ADK: variants seen among roughly 807,000 people sequenced by gnomAD.
ADK encodes N6,N6-dimethyladenosine kinase.
In ADK, 24 loss-of-function variants were observed where a neutral mutation model predicts 44.7. That is an observed-to-expected ratio of 0.54 (90% confidence interval 0.39 to 0.76). The LOEUF (loss-of-function observed/expected upper bound fraction) is 0.76, where lower values mean the gene tolerates loss of function less well. ADK is among the 30% of genes least tolerant of loss of function. ADK has a pLI of 0.00. For missense variants in ADK, 321 were observed against 425.1 expected, an observed-to-expected ratio of 0.76 and a Z score of 2.15; for synonymous variants, 128 against 142.6, an observed-to-expected ratio of 0.90 and a Z score of 0.73.
At position 74,301,052 on chromosome 10, in the gene ADK, A is replaced by G. The variant is rs185381426; in HGVS notation, c.195-13615A>G. Among the ~76,000 whole-genome samples the G allele has an allele frequency of 1.1e-4, 16 of 152,364 alleles. No individual in the cohort carries two copies. In the East Asian group the frequency reaches 1.9e-3, roughly 18 times the overall value. On this transcript the variant is annotated intron_variant, in intron 3 of 10. Transcript: ENST00000539909. ...CAAGAAAAAGCTCTGATAGAATTCT[A>G]TAAATGCTTTCTAAGTGATAAATAT...
intron 6 of ADK, among the ~76,000 whole-genome samples, chr10:74,460,069 A>G (rs530840243): frequency 6.6e-6 from 1 of 152,236 alleles, no homozygotes; most frequent in African/African-American, 2.4e-5. Context: ...TGGGTTTGGA[A>G]GCTTGTTTCT....
At chr10:74,698,563 G>GT (rs1856288801) in intron 10 of ADK, among the ~76,000 whole-genome samples, 1 of 152,066 alleles carries the variant, frequency 6.6e-6, no homozygotes, top group African/African-American at 2.4e-5. Context: ...GTTTTGTTTT[G>GT]TTTTGTTTGA....
chr10:74,416,017 C>T (rs1844357029), intron 6 of ADK, among the ~76,000 whole-genome samples: 1 of 126,636 alleles, frequency 7.9e-6, no homozygotes, highest in Admixed American at 9.0e-5. Context: ...TTTATATATA[C>T]ACACACATAC....
intron 3 of ADK, among the ~76,000 whole-genome samples, chr10:74,264,669 T>G (rs1396987601): frequency 6.6e-6 from 1 of 152,194 alleles, no homozygotes; most frequent in East Asian, 1.9e-4. Flanking sequence ...ATGCTTTATC[T>G]TCTTATGCCT....
intron 7 of ADK, among the ~76,000 whole-genome samples, chr10:74,580,329 AT>A (rs2133892137): frequency 6.6e-6 from 1 of 152,182 alleles, no homozygotes; most frequent in Non-Finnish European, 1.5e-5. Flanking sequence ...TAATCCCAGC[AT>A]TTTGGGAGTC....
chr10:74,282,159 A>C (rs1018099446), intron 3 of ADK, among the ~76,000 whole-genome samples: 1 of 152,244 alleles, frequency 6.6e-6, no homozygotes, highest in Non-Finnish European at 1.5e-5. Flanking sequence ...CCTTAAAAGC[A>C]AGTGGCATTT....
At chr10:74,678,535 A>G (rs1255188388) in intron 10 of ADK, among the ~76,000 whole-genome samples, 1 of 152,208 alleles carries the variant, frequency 6.6e-6, no homozygotes. Context: ...AGCAATTGTA[A>G]ATAGATAATG....
chr10:74,259,111 A>T (rs1845941902), intron 3 of ADK, among the ~76,000 whole-genome samples: 1 of 150,870 alleles, frequency 6.6e-6, no homozygotes, highest in Non-Finnish European at 1.5e-5. Context: ...GGCCTAGCTA[A>T]TTTTTGTATT....
At chr10:74,542,489 T>C (rs1849673384) in intron 7 of ADK, among the ~76,000 whole-genome samples, 1 of 152,202 alleles carries the variant, frequency 6.6e-6, no homozygotes, top group Admixed American at 6.5e-5. Flanking sequence ...TAGTTAAAGT[T>C]AGTTCCTTTC....
At chr10:74,478,416 T>C (rs954416398) in intron 6 of ADK, among the ~76,000 whole-genome samples, 1 of 152,050 alleles carries the variant, frequency 6.6e-6, no homozygotes, top group Non-Finnish European at 1.5e-5. Context: ...TAGAGATGAG[T>C]GTCAGTCTGT....
chr10:74,524,761 AGTG>A (rs1202800253), intron 6 of ADK, among the ~76,000 whole-genome samples: 2 of 152,210 alleles, frequency 1.3e-5, no homozygotes, highest in African/African-American at 4.8e-5. Context: ...AGCCAGGCTC[AGTG>A]GTGTGCACCT....
intron 8 of ADK, among the ~76,000 whole-genome samples, chr10:74,590,307 A>G (rs2133925286): frequency 6.6e-6 from 1 of 152,326 alleles, no homozygotes; most frequent in East Asian, 1.9e-4. Context: ...CAAACAGGGA[A>G]GAGGTGAGTG....
intron 7 of ADK, among the ~76,000 whole-genome samples, chr10:74,577,884 G>A (rs143499540): frequency 2.6e-4 from 40 of 152,168 alleles, no homozygotes; most frequent in African/African-American, 9.4e-4. Flanking sequence ...TTTACTCACA[G>A]TAGTTTAAAA....
intron 7 of ADK, among the ~76,000 whole-genome samples, chr10:74,563,596 A>G (rs757149645): frequency 6.6e-6 from 1 of 152,252 alleles, no homozygotes; most frequent in Non-Finnish European, 1.5e-5. Flanking sequence ...TATTTTGTAA[A>G]TAATATTCTT....
At chr10:74,554,608 A>C (rs1049138933) in intron 7 of ADK, among the ~76,000 whole-genome samples, 1 of 152,116 alleles carries the variant, frequency 6.6e-6, no homozygotes, top group Admixed American at 6.6e-5. Flanking sequence ...AATAGCTGCA[A>C]TTCTATTGTT....
intron 7 of ADK, among the ~76,000 whole-genome samples, chr10:74,545,406 T>A (rs2133749542): frequency 1.3e-5 from 2 of 152,312 alleles, no homozygotes; most frequent in South Asian, 4.1e-4. Flanking sequence ...TTATACTAAT[T>A]TAACAAGCCG....
intron 6 of ADK, among the ~76,000 whole-genome samples, chr10:74,412,487 G>C (rs1009431242): frequency 6.6e-6 from 1 of 152,118 alleles, no homozygotes; most frequent in African/African-American, 2.4e-5. Flanking sequence ...ATTTTCAGGA[G>C]GTTTTCAATT....
intron 4 of ADK, among the ~76,000 whole-genome samples, chr10:74,389,550 T>C (rs1376910332): frequency 6.6e-6 from 1 of 152,056 alleles, no homozygotes; most frequent in African/African-American, 2.4e-5. Flanking sequence ...GATTATTAAG[T>C]GCTTTGAAGC....
intron 4 of ADK, among the ~76,000 whole-genome samples, chr10:74,332,865 T>C (rs1841267417): frequency 6.6e-6 from 1 of 152,224 alleles, no homozygotes; most frequent in African/African-American, 2.4e-5. Context: ...AAAACACTCA[T>C]GTTAAAATAA....
Sources: allele counts gnomAD v4.1 joint callset (sites outside exome capture counted in the v4.1 genomes callset), GRCh38; gene constraint gnomAD v4.1.1; transcripts MANE v1.5; gene names NCBI Gene and HGNC (gene_info 2026-07-23, HGNC 2026-07-21).